The following XKR6 variants were observed in gnomAD, a reference collection of about 807,000 sequenced individuals.
The protein encoded by XKR6 is XK-related protein 6.
Under a neutral mutation model 56.7 loss-of-function variants are expected in XKR6, and 22 were observed. The observed-to-expected ratio is 0.39, with a 90% confidence interval of 0.28 to 0.55. The LOEUF is 0.55. XKR6 is among the 20% of genes least tolerant of loss of function. The pLI is 0.66. For synonymous variants in XKR6, 524 were observed against 387.8 expected (o/e 1.35, Z -4.13); for missense variants, 852 against 889.0 (o/e 0.96, Z 0.53).
intron 2 of XKR6, among the ~76,000 whole-genome samples, chr8:10,900,857 CTTT>C (rs139738888): frequency 8.7e-6 from 1 of 114,372 alleles, no homozygotes; most frequent in Non-Finnish European, 1.7e-5. Context: ...GTGCAATTAC[CTTT>C]TTTTTTTTTT....
chr8:11,132,052 T>C (rs1018820097), intron 1 of XKR6, among the ~76,000 whole-genome samples: 2 of 152,130 alleles, frequency 1.3e-5, no homozygotes, highest in African/African-American at 2.4e-5. Context: ...TCTGATACAG[T>C]GGGTCTCAAA....
intron 1 of XKR6, among the ~76,000 whole-genome samples, chr8:10,929,246 CATTTGGCACATA>C (rs1351300887): frequency 6.6e-6 from 1 of 152,240 alleles, no homozygotes; most frequent in Non-Finnish European, 1.5e-5. Flanking sequence ...CTATTATGGG[CATTTGGCACATA>C]TTACCTCATT....
intron 1 of XKR6, among the ~76,000 whole-genome samples, chr8:10,965,976 C>T (rs1386511142): frequency 6.6e-6 from 1 of 152,236 alleles, no homozygotes; most frequent in Non-Finnish European, 1.5e-5. Context: ...ACCTTCCAGC[C>T]TGGGCTGAGA....
At chr8:10,970,982 C>T (rs1321503969) in intron 1 of XKR6, among the ~76,000 whole-genome samples, 1 of 151,846 alleles carries the variant, frequency 6.6e-6, no homozygotes, top group Non-Finnish European at 1.5e-5. Flanking sequence ...TTTGTCTCAG[C>T]TGCCAGGAAG....
At chr8:11,146,343 T>G (rs1183853965) in intron 1 of XKR6, among the ~76,000 whole-genome samples, 1 of 152,208 alleles carries the variant, frequency 6.6e-6, no homozygotes, top group Admixed American at 6.5e-5. Context: ...AAGAAAAAAC[T>G]GGCTAAGTGT....
intron 1 of XKR6, among the ~76,000 whole-genome samples, chr8:11,042,077 G>C (rs946387575): frequency 6.6e-6 from 1 of 152,116 alleles, no homozygotes; most frequent in Admixed American, 6.5e-5. Flanking sequence ...AAGTACACAT[G>C]CACCTGTCTG....
At chr8:11,104,911 T>C (rs887175089) in intron 1 of XKR6, 6 of 152,220 alleles carry the variant, frequency 3.9e-5, no homozygotes, top group Non-Finnish European at 2.9e-5. Context: ...CTTTTGGAAG[T>C]CTGTTCGAGA....
At chr8:10,961,072 A>T (rs1406253388) in intron 1 of XKR6, among the ~76,000 whole-genome samples, 1 of 152,032 alleles carries the variant, frequency 6.6e-6, no homozygotes, top group African/African-American at 2.4e-5. Flanking sequence ...ACAAAAGGTG[A>T]GTATCGGAGG....
intron 1 of XKR6, among the ~76,000 whole-genome samples, chr8:11,097,460 G>C (rs1798298272): frequency 7.0e-6 from 1 of 143,212 alleles, no homozygotes; most frequent in South Asian, 2.2e-4. Flanking sequence ...TGAACACACA[G>C]GGCAATATTT....
At chr8:11,185,995 A>T (rs1803252120) in intron 1 of XKR6, among the ~76,000 whole-genome samples, 1 of 152,132 alleles carries the variant, frequency 6.6e-6, no homozygotes, top group Non-Finnish European at 1.5e-5. Context: ...AATGCTTTTT[A>T]TATTTTTCGA....
At chr8:11,047,206 G>A (rs751224958) in intron 1 of XKR6, among the ~76,000 whole-genome samples, 4 of 152,058 alleles carry the variant, frequency 2.6e-5, no homozygotes, top group Non-Finnish European at 2.9e-5. Flanking sequence ...GCTTACTTGC[G>A]GGAATCATTT....
chr8:10,921,061 C>T (rs569169146), intron 2 of XKR6, among the ~76,000 whole-genome samples: 1 of 152,396 alleles, frequency 6.6e-6, no homozygotes, highest in African/African-American at 2.4e-5. Context: ...TCCAAGGGGT[C>T]TGCTCTTGGC....
At chr8:11,190,052 G>A (rs1242079678) in intron 1 of XKR6, among the ~76,000 whole-genome samples, 1 of 152,082 alleles carries the variant, frequency 6.6e-6, no homozygotes, top group Non-Finnish European at 1.5e-5. Flanking sequence ...AGCTACGTGG[G>A]AGGCTGAGGC....
chr8:11,185,056 C>A (rs1295614999), intron 1 of XKR6, among the ~76,000 whole-genome samples: 2 of 152,146 alleles, frequency 1.3e-5, no homozygotes, highest in Non-Finnish European at 2.9e-5. Context: ...CAAAGCTGGG[C>A]ACATTAGGTT....
At chr8:10,945,623 A>G (rs982753501) in intron 1 of XKR6, among the ~76,000 whole-genome samples, 3 of 152,238 alleles carry the variant, frequency 2.0e-5, no homozygotes, top group African/African-American at 7.2e-5. Context: ...TTATCTTTAT[A>G]TCTCTGATAT....
chr8:11,079,633 T>A (rs977880984), intron 1 of XKR6, among the ~76,000 whole-genome samples: 3 of 152,176 alleles, frequency 2.0e-5, no homozygotes, highest in African/African-American at 7.2e-5. Flanking sequence ...TTCTTGGAAT[T>A]GTGTTAGAAA....
At chr8:10,967,975 C>T (rs1054838749) in intron 1 of XKR6, among the ~76,000 whole-genome samples, 1 of 152,178 alleles carries the variant, frequency 6.6e-6, no homozygotes, top group African/African-American at 2.4e-5. Context: ...CAGATGGATA[C>T]CTCGGCCCCT....
At chr8:11,049,662 C>T (rs1799496079) in intron 1 of XKR6, among the ~76,000 whole-genome samples, 1 of 152,150 alleles carries the variant, frequency 6.6e-6, no homozygotes. Flanking sequence ...TGCCCACCTC[C>T]CCGTGGGCTG....
At chr8:10,985,726 T>C (rs1797847801) in intron 1 of XKR6, among the ~76,000 whole-genome samples, 1 of 152,200 alleles carries the variant, frequency 6.6e-6, no homozygotes, top group Non-Finnish European at 1.5e-5. Context: ...ACCTCTTTCC[T>C]TTTTTCCTTT....
Sources: allele counts gnomAD v4.1 joint callset (sites outside exome capture counted in the v4.1 genomes callset), GRCh38; gene constraint gnomAD v4.1.1; transcripts MANE v1.5; gene names NCBI Gene and HGNC (gene_info 2026-07-23, HGNC 2026-07-21).